PRIM2: variants seen among roughly 807,000 people sequenced by gnomAD.
The protein encoded by PRIM2 is DNA primase large subunit.
PRIM2 carries 39 observed loss-of-function variants against 67.3 expected under a neutral mutation model. The ratio of observed to expected loss-of-function variants is 0.58; its 90% CI spans 0.45 to 0.76. The LOEUF (loss-of-function observed/expected upper bound fraction) is 0.76. PRIM2 is among the 30% of genes least tolerant of loss of function. The pLI is 0.00. For synonymous variants in PRIM2, 143 were observed against 198.7 expected, an observed-to-expected ratio of 0.72 and a Z score of 2.36; for missense variants, 398 against 598.7, an observed-to-expected ratio of 0.66 and a Z score of 3.50.
upstream of PRIM2, among the ~76,000 whole-genome samples, chr6:57,310,251 C>G (rs1202757320): frequency 2.6e-5 from 4 of 152,230 alleles, no homozygotes; most frequent in Non-Finnish European, 5.9e-5. Flanking sequence ...GTGGTGATGA[C>G]TCTTAACAAG....
intron 7 of PRIM2, among the ~76,000 whole-genome samples, chr6:57,434,322 A>T (rs1184995887): frequency 6.6e-6 from 1 of 152,092 alleles, no homozygotes; most frequent in East Asian, 1.9e-4. Context: ...TTGCATGGTT[A>T]TACTGATAAC....
chr6:57,589,198 A>G (rs2127487811), intron 10 of PRIM2, among the ~76,000 whole-genome samples: 1 of 152,308 alleles, frequency 6.6e-6, no homozygotes, highest in African/African-American at 2.4e-5. Context: ...GTATGCACCT[A>G]GAATGATTCT....
chr6:57,260,464 CAT>C, the PRIM2 span, among the ~76,000 whole-genome samples: 2 of 152,138 alleles, frequency 1.3e-5, no homozygotes, highest in African/African-American at 4.8e-5. Context: ...ATTTTAATAA[CAT>C]TGATTTTTCT....
intron 5 of PRIM2, among the ~76,000 whole-genome samples, chr6:57,327,547 C>T (rs1308656857): frequency 6.6e-6 from 1 of 152,182 alleles, no homozygotes; most frequent in African/African-American, 2.4e-5. Context: ...TCATTTACTT[C>T]ATGAGGTTTC....
chr6:57,317,494 G>A (rs532246754), upstream of PRIM2: 9 of 152,786 alleles, frequency 5.9e-5, no homozygotes, highest in East Asian at 1.9e-4. Flanking sequence ...AGCTGCCAAG[G>A]TGGACGGAAC....
chr6:57,269,544 G>A, the PRIM2 span, among the ~76,000 whole-genome samples: 2 of 152,144 alleles, frequency 1.3e-5, no homozygotes, highest in East Asian at 1.9e-4. Flanking sequence ...TTGGTCAGAT[G>A]AGTAGATTGC....
chr6:57,413,251 T>G (rs1414777206), intron 7 of PRIM2, among the ~76,000 whole-genome samples: 124 of 152,040 alleles, frequency 8.2e-4, no homozygotes, highest in African/African-American at 2.9e-3. Context: ...AACAGAAACT[T>G]AGGGGAGAAG....
chr6:57,291,363 C>T, the PRIM2 span, among the ~76,000 whole-genome samples: 2 of 152,094 alleles, frequency 1.3e-5, no homozygotes, highest in Admixed American at 1.3e-4. Context: ...TAATAGCCTA[C>T]CAACCAAAAA....
chr6:57,343,875 A>C (rs2127295770), intron 5 of PRIM2, among the ~76,000 whole-genome samples: 1 of 152,240 alleles, frequency 6.6e-6, no homozygotes, highest in South Asian at 2.1e-4. Context: ...ATATGATAGG[A>C]TAGGTGGGGA....
intron 7 of PRIM2, among the ~76,000 whole-genome samples, chr6:57,458,297 G>C (rs1395347283): frequency 2.6e-5 from 4 of 152,068 alleles, no homozygotes; most frequent in South Asian, 2.1e-4. Context: ...GTATCACCTT[G>C]GCTTATATTT....
At chr6:57,294,619 A>G in the PRIM2 span, among the ~76,000 whole-genome samples, 3 of 151,312 alleles carry the variant, frequency 2.0e-5, no homozygotes, top group Admixed American at 6.6e-5. Flanking sequence ...AAGTATATGT[A>G]TAAATATATA....
At chr6:57,271,454 T>C in the PRIM2 span, among the ~76,000 whole-genome samples, 1 of 152,252 alleles carries the variant, frequency 6.6e-6, no homozygotes, top group Non-Finnish European at 1.5e-5. Context: ...AGTTTGTATT[T>C]CTGTGGGATT....
intron 2 of PRIM2, among the ~76,000 whole-genome samples, chr6:57,319,417 A>G (rs1767578931): frequency 6.6e-6 from 1 of 152,252 alleles, no homozygotes; most frequent in Admixed American, 6.5e-5. Context: ...AATCATTCTT[A>G]GAGGAGCAGG....
At chr6:57,424,555 T>C (rs1338821339) in intron 7 of PRIM2, among the ~76,000 whole-genome samples, 1 of 152,208 alleles carries the variant, frequency 6.6e-6, no homozygotes, top group Non-Finnish European at 1.5e-5. Context: ...TGGAGATCTT[T>C]GCAACAGCTT....
At chr6:57,459,188 A>G (rs1772915296) in intron 7 of PRIM2, among the ~76,000 whole-genome samples, 1 of 152,204 alleles carries the variant, frequency 6.6e-6, no homozygotes, top group African/African-American at 2.4e-5. Flanking sequence ...AATAATGCCT[A>G]TCTCACAGTT....
At chr6:57,330,235 A>T (rs949450291) in intron 5 of PRIM2, among the ~76,000 whole-genome samples, 11 of 151,086 alleles carry the variant, frequency 7.3e-5, no homozygotes, top group Non-Finnish European at 1.2e-4. Context: ...CTTCAATGTT[A>T]TTGTAAGTGG....
chr6:57,253,370 A>G, the PRIM2 span, among the ~76,000 whole-genome samples: 1 of 152,232 alleles, frequency 6.6e-6, no homozygotes, highest in African/African-American at 2.4e-5. Context: ...ACTATGGTCT[A>G]TAAATCAGAA....
intron 8 of PRIM2, among the ~76,000 whole-genome samples, chr6:57,509,801 T>G (rs1463864325): frequency 6.7e-6 from 1 of 149,186 alleles, no homozygotes; most frequent in Non-Finnish European, 1.5e-5. Context: ...ACATTTTAAA[T>G]GTATTTAACA....
At chr6:57,462,204 G>T (rs1773031283) in intron 7 of PRIM2, among the ~76,000 whole-genome samples, 1 of 152,104 alleles carries the variant, frequency 6.6e-6, no homozygotes, top group African/African-American at 2.4e-5. Flanking sequence ...GGAGAGTGTG[G>T]TAAAAGATTA....
Sources: gnomAD v4.1 joint callset for allele counts (sites outside exome capture counted in the v4.1 genomes callset) on GRCh38, gnomAD v4.1.1 for gene constraint, MANE v1.5 for transcripts, NCBI Gene and HGNC (gene_info 2026-07-23, HGNC 2026-07-21) for gene names.